Variants in ARHGEF7 observed in about 807,000 individuals in gnomAD.
ARHGEF7 encodes PAK-interacting exchange factor beta.
ARHGEF7 carries 33 observed loss-of-function variants against 109.8 expected under a neutral mutation model. That is an observed-to-expected ratio of 0.30 (90% CI 0.23 to 0.40). The LOEUF (loss-of-function observed/expected upper bound fraction) is 0.40, where lower values mean the gene tolerates loss of function less well. ARHGEF7 is among the 10% of genes least tolerant of loss of function. ARHGEF7 has a pLI of 1.00. For synonymous variants in ARHGEF7, 458 were observed against 424.6 expected (o/e 1.08, Z -0.97); for missense variants, 938 against 1,098.5 (o/e 0.85, Z 2.07).
At chr13:111,280,176 C>T in intron 13 of ARHGEF7, 96 bp from the exon 14 acceptor site, 1 of 1,284,192 alleles carries the variant, frequency 7.8e-7, no homozygotes, top group Non-Finnish European at 1.1e-6. Context: ...GTTCCTCCAC[C>T]AATTCTAAAA....
intron 1 of ARHGEF7, among the ~76,000 whole-genome samples, chr13:111,118,763 A>G (rs975570992): frequency 6.6e-6 from 1 of 152,222 alleles, no homozygotes; most frequent in Non-Finnish European, 1.5e-5. Context: ...AAATCATGAA[A>G]TGCTCTTTTA....
chr13:111,203,879 C>T (rs1198987909), intron 2 of ARHGEF7, among the ~76,000 whole-genome samples: 13 of 152,202 alleles, frequency 8.5e-5, no homozygotes, highest in Non-Finnish European at 1.6e-4. Flanking sequence ...CAGCAGCATG[C>T]GGTGCCTGCA....
intron 8 of ARHGEF7, among the ~76,000 whole-genome samples, chr13:111,249,684 C>T (rs1477004306): frequency 2.0e-5 from 3 of 152,002 alleles, no homozygotes; most frequent in Admixed American, 2.0e-4. Flanking sequence ...CAATAGAACT[C>T]GGTTTTAGGG....
chr13:111,291,996 T>G, intron 18 of ARHGEF7, 122 bp from the exon 19 acceptor site: 1 of 792,734 alleles, frequency 1.3e-6, no homozygotes, highest in African/African-American at 1.7e-5. Flanking sequence ...AACACTATTT[T>G]CTCTTTTCCT....
At chr13:111,199,704 A>G (rs2080989343) in intron 2 of ARHGEF7, among the ~76,000 whole-genome samples, 2 of 152,210 alleles carry the variant, frequency 1.3e-5, no homozygotes, top group Non-Finnish European at 2.9e-5. Context: ...GCATGGCAAA[A>G]ATTAAGGCTG....
chr13:111,164,827 A>G (rs2153401227), intron 2 of ARHGEF7, among the ~76,000 whole-genome samples: 1 of 152,356 alleles, frequency 6.6e-6, no homozygotes, highest in South Asian at 2.1e-4. Context: ...CTGCTACTAA[A>G]GAATTGCTTA....
intron 8 of ARHGEF7, among the ~76,000 whole-genome samples, chr13:111,249,902 A>T (rs1039187104): frequency 5.3e-5 from 8 of 152,328 alleles, no homozygotes; most frequent in South Asian, 2.1e-4. Context: ...TGCACAGTTC[A>T]GTTCCCAAGC....
At chr13:111,198,692 T>C (rs192490772) in intron 2 of ARHGEF7, among the ~76,000 whole-genome samples, 4 of 152,082 alleles carry the variant, frequency 2.6e-5, no homozygotes, top group Admixed American at 2.0e-4. Flanking sequence ...ACCCAAAGAG[T>C]GAGCAGCAGC....
At chr13:111,184,553 G>C (rs1019590083) in intron 2 of ARHGEF7, among the ~76,000 whole-genome samples, 10 of 152,170 alleles carry the variant, frequency 6.6e-5, no homozygotes, top group African/African-American at 2.4e-4. Flanking sequence ...CCCTTAGCCG[G>C]TCTGCCTCCT....
chr13:111,265,693 A>G (rs796382891), intron 8 of ARHGEF7: 2 of 456,372 alleles, frequency 4.4e-6, no homozygotes, highest in South Asian at 3.1e-5. Context: ...ATGATCACCA[A>G]TTGGATGGTA....
intron 1 of ARHGEF7, chr13:111,153,686 G>T: frequency 7.8e-7 from 1 of 1,274,888 alleles, no homozygotes; most frequent in Non-Finnish European, 9.9e-7. Flanking sequence ...GCGGGAAGGG[G>T]CAGAGATTGG....
intron 2 of ARHGEF7, among the ~76,000 whole-genome samples, chr13:111,161,423 C>T (rs937967931): frequency 2.6e-5 from 4 of 152,208 alleles, no homozygotes; most frequent in Non-Finnish European, 5.9e-5. Flanking sequence ...TGCCACTCGC[C>T]AGCTGTGCCA....
rs949316572 is a variant in ARHGEF7, at chr13:111,280,286, G to A, written c.1521G>A (p.Thr507=). ...GTCTTTTTTAGGGAAAGCTTCCAAC[G>A]ACAGGAATGACAATCACAAAGCTTG... The part of the protein sequence containing the change: ...SGFIYQGKLP[T]TGMTITKLED... The change falls in exon 14 of 22, where the codon ACG becomes ACA. Residue 507 remains threonine (T), a synonymous_variant. Transcript: ENST00000646102. The A allele has an allele frequency of 6.2e-7, 1 of 1,609,624 alleles. No homozygotes were observed. Among genetic ancestry groups the A allele is most frequent in the African/African-American group, 1.3e-5 (1 of 74,258 alleles).
chr13:111,218,786 G>A lies in ARHGEF7; in HGVS notation c.670+906G>A, dbSNP rs986484210. 7.2e-5 allele frequency among the ~76,000 whole-genome samples: 11 copies of A among 152,194 alleles called. No homozygotes were observed. In the South Asian group the frequency reaches 2.1e-3, roughly 29 times the overall value. On this transcript the variant is annotated intron_variant, in intron 5 of 21. Coordinates refer to ENST00000646102, the MANE Select transcript of ARHGEF7 (RefSeq NM_001354046.2). The stretch of plus-strand genomic sequence containing the variant: ...TGTTAAGGTTTATACTATGTGTATG[G>A]AGTCTGGCAGAGTAGGAGCTCAGGG...
intron 2 of ARHGEF7, among the ~76,000 whole-genome samples, chr13:111,198,595 C>T (rs1336676673): frequency 6.6e-6 from 1 of 152,112 alleles, no homozygotes; most frequent in Non-Finnish European, 1.5e-5. Context: ...TTTTTTGTTC[C>T]TCCTGGTGGG....
intron 2 of ARHGEF7, among the ~76,000 whole-genome samples, chr13:111,201,141 T>C (rs2081170403): frequency 6.6e-6 from 1 of 151,984 alleles, no homozygotes; most frequent in Non-Finnish European, 1.5e-5. Flanking sequence ...CAAATCCCCA[T>C]CGTCCCCCTT....
intron 2 of ARHGEF7, among the ~76,000 whole-genome samples, chr13:111,197,146 A>G (rs181666340): frequency 1.4e-4 from 22 of 151,898 alleles, no homozygotes; most frequent in Admixed American, 1.4e-3. Flanking sequence ...TGATCGGAAT[A>G]GTTGCGCTCA....
chr13:111,293,722 T>G, intron 19 of ARHGEF7: 1 of 985,444 alleles, frequency 1.0e-6, no homozygotes, highest in Non-Finnish European at 1.2e-6. Context: ...ATAACATTTT[T>G]TCCTTCTTCA....
In ARHGEF7 at chr13:111,228,667, A is replaced by G. The variant is rs2085556918; in HGVS notation, c.671-4538A>G. On this transcript the variant is annotated intron_variant, in intron 5 of 21. Transcript: ENST00000646102. The surrounding 1 kb of genome is among the most constrained non-coding windows in gnomAD (Gnocchi z 4.6). The stretch of plus-strand genomic sequence containing the variant: ...TGAACAACTCGGAGGACGTCACCTG[A>G]CAGGAGGGTGCATGTGGTTCAGGAA... Among the ~76,000 whole-genome samples, 1 of 152,130 alleles carries G rather than the reference A, an allele frequency of 6.6e-6. No individual in the cohort carries two copies. The highest frequency in any genetic ancestry group is 6.5e-5 in the Admixed American group (1 of 15,274).
Sources: gnomAD v4.1 joint callset for allele counts (sites outside exome capture counted in the v4.1 genomes callset) on GRCh38, gnomAD v4.1.1 for gene constraint, Gnocchi (gnomAD v3.1) non-coding constraint, MANE v1.5 for transcripts, NCBI Gene and HGNC (gene_info 2026-07-23, HGNC 2026-07-21) for gene names.